The following SEMA6A variants were observed in gnomAD, a reference collection of about 807,000 sequenced individuals.
The protein encoded by SEMA6A is semaphorin 6A.
SEMA6A carries 25 observed loss-of-function variants against 96.8 expected under a neutral mutation model. That is an observed-to-expected ratio of 0.26 (90% CI 0.19 to 0.36). The LOEUF (loss-of-function observed/expected upper bound fraction) is 0.36, where lower values mean the gene tolerates loss of function less well. Among genes scored for constraint, SEMA6A ranks in the 10% least tolerant of loss-of-function variants. The pLI is 1.00. For synonymous variants in SEMA6A, 612 were observed against 518.0 expected (o/e 1.18, Z -2.46); for missense variants, 1,363 against 1,323.1 (o/e 1.03, Z -0.47).
At chr5:116,477,498 A>G (rs1337646267) in intron 15 of SEMA6A, among the ~76,000 whole-genome samples, 2 of 152,182 alleles carry the variant, frequency 1.3e-5, no homozygotes, top group Non-Finnish European at 2.9e-5. Context: ...CAAACCACTC[A>G]CTAATCTAAT....
chr5:116,502,164 G>A, intron 3 of SEMA6A, 46 bp downstream of exon 3: 1 of 1,495,352 alleles, frequency 6.7e-7, no homozygotes, highest in Non-Finnish European at 9.3e-7. Flanking sequence ...TAGGACCTTG[G>A]GCTTTTGGAC....
chr5:116,568,689 G>T (rs891019233), intron 1 of SEMA6A, among the ~76,000 whole-genome samples: 2 of 152,158 alleles, frequency 1.3e-5, no homozygotes, highest in Non-Finnish European at 2.9e-5. Flanking sequence ...GTGTGCTCTT[G>T]GACACAGGAG....
intron 17 of SEMA6A, chr5:116,469,611 AT>A (rs1192116662): frequency 3.3e-5 from 5 of 152,204 alleles, no homozygotes; most frequent in Non-Finnish European, 7.3e-5. Context: ...AAGTAGCAAG[AT>A]TTCTTTTACC....
intron 8 of SEMA6A, 94 bp from the exon 9 acceptor site, chr5:116,488,290 G>A: frequency 1.2e-6 from 1 of 808,970 alleles, no homozygotes; most frequent in Non-Finnish European, 2.0e-6. Context: ...TTAATTAAAA[G>A]TGTAGCACCA....
Position 116,474,992 on chromosome 5 carries a change from T to A in SEMA6A, c.1708+553A>T, listed in dbSNP as rs149100680. 2.1e-3 allele frequency among the ~76,000 whole-genome samples: 320 copies of A among 152,322 alleles called. 2 individuals are homozygous for A. The highest frequency in any genetic ancestry group is 7.1e-3 in the African/African-American group (296 of 41,562). On this transcript the variant is annotated intron_variant, in intron 16 of 18. Coordinates refer to ENST00000343348, the MANE Select transcript of SEMA6A (RefSeq NM_020796.5). ...ATAACTATCTCTGAGATTTACATAG[T>A]AGGCCAATTCCTATAAAAAGATTAT...
At chr5:116,460,430 G>A (rs891966380) in intron 18 of SEMA6A, among the ~76,000 whole-genome samples, 2 of 152,102 alleles carry the variant, frequency 1.3e-5, no homozygotes, top group Admixed American at 1.3e-4. Context: ...AAGGCCAAAT[G>A]TAATATATAA....
At chr5:116,562,385 A>AT (rs1299678780) in intron 1 of SEMA6A, among the ~76,000 whole-genome samples, 2 of 152,252 alleles carry the variant, frequency 1.3e-5, no homozygotes, top group Non-Finnish European at 2.9e-5. Flanking sequence ...TGGCATTAAT[A>AT]TATCATATCT....
At chr5:116,512,949 CTTTG>C (rs1365565373) in intron 1 of SEMA6A, among the ~76,000 whole-genome samples, 3 of 152,068 alleles carry the variant, frequency 2.0e-5, no homozygotes, top group African/African-American at 7.2e-5. Flanking sequence ...TGTAAACGTT[CTTTG>C]TTTGTTTGTT....
At chr5:116,515,909 A>G (rs189603990) in intron 1 of SEMA6A, among the ~76,000 whole-genome samples, 5 of 152,198 alleles carry the variant, frequency 3.3e-5, no homozygotes, top group Non-Finnish European at 5.9e-5. Context: ...TAACAATGTC[A>G]TCAGTCACGA....
intron 1 of SEMA6A, among the ~76,000 whole-genome samples, chr5:116,513,346 C>T (rs1203116225): frequency 1.3e-5 from 2 of 152,240 alleles, no homozygotes; most frequent in African/African-American, 4.8e-5. Flanking sequence ...AGGCTGGTCT[C>T]AAACTCCCAA....
chr5:116,529,902 C>T (rs1379879626), intron 1 of SEMA6A, among the ~76,000 whole-genome samples: 1 of 151,992 alleles, frequency 6.6e-6, no homozygotes, highest in Non-Finnish European at 1.5e-5. Context: ...ATGCTCACTA[C>T]CTGGGTGACG....
intron 18 of SEMA6A, among the ~76,000 whole-genome samples, chr5:116,459,938 A>G (rs1755272189): frequency 6.6e-6 from 1 of 152,202 alleles, no homozygotes; most frequent in Non-Finnish European, 1.5e-5. Flanking sequence ...GAAAAAAGAA[A>G]CAAAGGAAAG....
In SEMA6A at chr5:116,562,971, C is replaced by T. The variant is rs563685366; in HGVS notation, c.-39+11214G>A. ...AGGACGTCCCCCCCATCCTCTCTGA[C>T]AGCACCCGCAGGAAGGGGGGTCGCC... On this transcript the variant is annotated intron_variant, in intron 1 of 18. Transcript: ENST00000343348. 2.6e-5 allele frequency: 15 copies of T among 574,770 alleles called. No homozygotes were observed. In the African/African-American group the frequency reaches 2.8e-4, roughly 11 times the overall value. The allele number at this position is 574,770 out of a possible 1,614,324, so 35.6% of individuals were successfully genotyped here.
chr5:116,477,523 T>C (rs1383847241), intron 15 of SEMA6A, among the ~76,000 whole-genome samples: 2 of 152,220 alleles, frequency 1.3e-5, no homozygotes, highest in African/African-American at 4.8e-5. Flanking sequence ...ATCCTATTGC[T>C]CCTTTTCTCT....
Position 116,509,609 on chromosome 5 carries a change from A to T in SEMA6A, c.-38-4627T>A, listed in dbSNP as rs535834508. Among the ~76,000 whole-genome samples, 604 of 149,606 alleles carry T rather than the reference A, an allele frequency of 4.0e-3. 3 individuals carry two copies. The highest frequency in any genetic ancestry group is 6.8e-3 in the Non-Finnish European group (455 of 67,248). On this transcript the variant is annotated intron_variant, in intron 1 of 18. Coordinates refer to ENST00000343348, the MANE Select transcript of SEMA6A (RefSeq NM_020796.5). ...GAAGAAGGGTGTCTCTGTGTGTGTG[A>T]GAGAGAGAGAGAGAGCATGCGATTA...
intron 1 of SEMA6A, among the ~76,000 whole-genome samples, chr5:116,520,831 T>C (rs192018415): frequency 1.3e-5 from 2 of 152,292 alleles, no homozygotes; most frequent in East Asian, 3.9e-4. Context: ...CCTATGGTTC[T>C]TGGATCCTCT....
intron 1 of SEMA6A, among the ~76,000 whole-genome samples, chr5:116,512,182 A>T (rs1758436225): frequency 6.6e-6 from 1 of 152,222 alleles, no homozygotes; most frequent in South Asian, 2.1e-4. Flanking sequence ...GGGTCAAAGA[A>T]CACATCCCAT....
chr5:116,447,728 C>G lies in SEMA6A; in HGVS notation c.1978G>C (p.Val660Leu). The G allele has an allele frequency of 1.2e-6, 2 of 1,613,900 alleles. No individual in the cohort carries two copies. The highest frequency in any genetic ancestry group is 1.7e-6 in the Non-Finnish European group (2 of 1,179,828). ...LLAIAVILAF[V>L]MGAVFSGITV... The stretch of plus-strand genomic sequence containing the variant: ...ATGCCCGAGAAGACGGCCCCCATGA[C>G]GAAAGCCAGGATGACTGCAATGGCC... The change falls in exon 19 of 19, where the codon GTC (valine) becomes CTC (leucine). Residue 660 changes from valine to leucine, a missense_variant. By Grantham distance (32) the Val-to-Leu change is conservative. Transcript: ENST00000343348.
intron 15 of SEMA6A, among the ~76,000 whole-genome samples, chr5:116,477,576 C>T (rs1232742377): frequency 6.6e-6 from 1 of 152,198 alleles, no homozygotes; most frequent in Non-Finnish European, 1.5e-5. Flanking sequence ...ACCTTCTTGT[C>T]TCTCTCTCCA....
Sources: gnomAD v4.1 joint callset for allele counts (sites outside exome capture counted in the v4.1 genomes callset) on GRCh38, gnomAD v4.1.1 for gene constraint, MANE v1.5 for transcripts, NCBI Gene and HGNC (gene_info 2026-07-23, HGNC 2026-07-21) for gene names.